Variants in DEAF1 observed in about 807,000 individuals in gnomAD.
DEAF1 encodes DEAF1 transcription factor.
DEAF1 carries 53 observed loss-of-function variants against 58.9 expected under a neutral mutation model. That is an observed-to-expected ratio of 0.90 (90% CI 0.72 to 1.13). The LOEUF (loss-of-function observed/expected upper bound fraction) is 1.13. DEAF1 is among the 50% of genes most tolerant of loss of function. The pLI is 0.00. For missense variants in DEAF1, 685 were observed against 791.4 expected (o/e 0.87, Z 1.61); for synonymous variants, 385 against 340.4 (o/e 1.13, Z -1.44).
At chr11:682,257 A>G (rs900283951) in intron 6 of DEAF1, among the ~76,000 whole-genome samples, 2 of 152,172 alleles carry the variant, frequency 1.3e-5, no homozygotes, top group Admixed American at 1.3e-4. Context: ...ACTTTCAACA[A>G]TGCCCTGGGG....
intron 7 of DEAF1, 143 bp downstream of exon 7, chr11:680,820 G>C: frequency 8.1e-7 from 1 of 1,237,236 alleles, no homozygotes; most frequent in Non-Finnish European, 1.2e-6. Flanking sequence ...CACTGCAAAG[G>C]AGTGTGATGG....
intron 4 of DEAF1, 33 bp downstream of exon 4, chr11:687,878 T>C (rs1003400338): frequency 1.2e-6 from 2 of 1,613,712 alleles, no homozygotes; most frequent in Non-Finnish European, 1.7e-6. Context: ...CAAAGGGGAA[T>C]ACAACTTTGG....
upstream of DEAF1, chr11:700,182 G>A (rs150628118): frequency 3.9e-3 from 6,306 of 1,614,132 alleles, 30 homozygotes; most frequent in Non-Finnish European, 4.0e-3. Flanking sequence ...TATCTCAGCG[G>A]AACGTACTAC....
chr11:686,671 C>T (rs1018299764), intron 5 of DEAF1, among the ~76,000 whole-genome samples, 187 bp downstream of exon 5: 13 of 152,232 alleles, frequency 8.5e-5, no homozygotes, highest in African/African-American at 2.9e-4. Flanking sequence ...GTCATCCCCA[C>T]GTGAAAGACC....
chr11:682,604 G>C (rs1035799303), intron 6 of DEAF1, among the ~76,000 whole-genome samples: 1 of 152,158 alleles, frequency 6.6e-6, no homozygotes, highest in Non-Finnish European at 1.5e-5. Context: ...CCCTACTATA[G>C]ACCTAGAGGC....
chr11:679,038 C>T (rs1022248796), intron 8 of DEAF1, among the ~76,000 whole-genome samples: 8 of 152,068 alleles, frequency 5.3e-5, no homozygotes, highest in African/African-American at 9.7e-5. Context: ...TCAGGCCGGG[C>T]GCGGTGGCTC....
At chr11:666,873 CAAA>C (rs532628897) in intron 10 of DEAF1, among the ~76,000 whole-genome samples, 3 of 60,252 alleles carry the variant, frequency 5.0e-5, no homozygotes, top group African/African-American at 6.4e-5. Context: ...ACTCTGTCTC[CAAA>C]AAAAAAAAAA....
intron 10 of DEAF1, among the ~76,000 whole-genome samples, chr11:668,625 T>C (rs1390743838): frequency 6.6e-6 from 1 of 151,998 alleles, no homozygotes; most frequent in Non-Finnish European, 1.5e-5. Flanking sequence ...GAGTTTGAGA[T>C]CAGCCTGGCA....
chr11:697,026 G>T (rs1156790318), upstream of DEAF1, among the ~76,000 whole-genome samples: 1 of 151,604 alleles, frequency 6.6e-6, no homozygotes, highest in East Asian at 2.0e-4. Context: ...GGGGGGGGTG[G>T]GGTGCGGAGG....
At chr11:665,143 CTAAG>C (rs371472785) in intron 10 of DEAF1, among the ~76,000 whole-genome samples, 1 of 135,296 alleles carries the variant, frequency 7.4e-6, no homozygotes, top group African/African-American at 2.7e-5. Context: ...CTCGGTCACT[CTAAG>C]TAAGTCCTGG....
upstream of DEAF1, chr11:695,524 C>T (rs1322832086): frequency 6.6e-6 from 7 of 1,054,636 alleles, no homozygotes; most frequent in East Asian, 3.2e-5. Context: ...AGCTTAGTGC[C>T]GCGGGTTTCG....
chr11:692,511 G>A (rs1333182450), intron 1 of DEAF1, among the ~76,000 whole-genome samples: 3 of 152,206 alleles, frequency 2.0e-5, no homozygotes, highest in Non-Finnish European at 4.4e-5. Flanking sequence ...CTGGTTGAAT[G>A]AGTCCTGACC....
intron 10 of DEAF1, among the ~76,000 whole-genome samples, chr11:659,275 C>G (rs1176287905): frequency 6.6e-6 from 1 of 151,386 alleles, no homozygotes; most frequent in Non-Finnish European, 1.5e-5. Context: ...GCATGCACCT[C>G]TTAGCTACCA....
At chr11:706,627 C>T (rs1861726541) in exon 1 of DEAF1, 2 of 152,826 alleles carry the variant, frequency 1.3e-5, no homozygotes, top group Non-Finnish European at 2.9e-5. Flanking sequence ...ATCCCTGCGT[C>T]CGGAGAGCGC....
At chr11:653,022 T>G (rs927668455) in intron 11 of DEAF1, among the ~76,000 whole-genome samples, 1 of 141,856 alleles carries the variant, frequency 7.0e-6, no homozygotes, top group Non-Finnish European at 1.5e-5. Flanking sequence ...AGGCAGAGGT[T>G]GCAGCGAGCC....
At chr11:648,888 A>C (rs1427200785) in intron 11 of DEAF1, among the ~76,000 whole-genome samples, 3 of 152,248 alleles carry the variant, frequency 2.0e-5, no homozygotes. Context: ...GTGAAAGAAC[A>C]GAGGAGCAAA....
upstream of DEAF1, chr11:695,702 T>G: frequency 1.6e-6 from 2 of 1,242,066 alleles, no homozygotes. Flanking sequence ...GGCTCGGACG[T>G]CCGCTCCCGA....
At chr11:679,878 G>C (rs1041454608) in intron 7 of DEAF1, 62 bp from the exon 8 acceptor site, 7 of 1,604,176 alleles carry the variant, frequency 4.4e-6, no homozygotes, top group African/African-American at 1.3e-5. Flanking sequence ...CACAGGTCCC[G>C]TGCCACCCAC....
chr11:680,853 C>G, intron 7 of DEAF1, 110 bp downstream of exon 7: 1 of 1,506,424 alleles, frequency 6.6e-7, no homozygotes, highest in Non-Finnish European at 9.2e-7. Flanking sequence ...TCTGGCCACG[C>G]AATGTGCTTT....
Sources: allele counts gnomAD v4.1 joint callset (sites outside exome capture counted in the v4.1 genomes callset), GRCh38; gene constraint gnomAD v4.1.1; transcripts MANE v1.5; gene names NCBI Gene and HGNC (gene_info 2026-07-23, HGNC 2026-07-21).